The following POC1B variants were observed in gnomAD, a reference collection of about 807,000 sequenced individuals.
POC1B encodes the protein POC1 centriolar protein B, also known as POC1 centriolar protein homolog B.
POC1B carries 44 observed loss-of-function variants against 60.6 expected under a neutral mutation model. The observed-to-expected ratio is 0.73, with a 90% CI of 0.57 to 0.93. POC1B has a LOEUF of 0.93. Ranked by LOEUF, POC1B falls within the 40% of genes least tolerant of loss-of-function variation. The pLI is 0.00. For synonymous variants in POC1B, 180 were observed against 198.9 expected, an observed-to-expected ratio of 0.90 and a Z score of 0.80; for missense variants, 555 against 572.3, an observed-to-expected ratio of 0.97 and a Z score of 0.31.
intron 10 of POC1B, among the ~76,000 whole-genome samples, chr12:89,445,581 C>T (rs946200434): frequency 1.2e-4 from 18 of 152,184 alleles, no homozygotes; most frequent in South Asian, 1.0e-3. Context: ...TGGATCCCTT[C>T]CTTACACCTT....
the POC1B span, among the ~76,000 whole-genome samples, chr12:89,411,896 C>A: frequency 1.3e-5 from 2 of 152,210 alleles, no homozygotes; most frequent in African/African-American, 4.8e-5. Flanking sequence ...AATGATTTAT[C>A]TTCTCACAGA....
the POC1B span, among the ~76,000 whole-genome samples, chr12:89,403,411 A>T: frequency 6.6e-6 from 1 of 152,110 alleles, no homozygotes; most frequent in Non-Finnish European, 1.5e-5. Context: ...ACTCTCTGAA[A>T]TCAACCCTCA....
At chr12:89,497,083 G>A (rs1592627944) in intron 3 of POC1B, 88 bp downstream of exon 3, 1 of 1,343,538 alleles carries the variant, frequency 7.4e-7, no homozygotes, top group East Asian at 2.3e-5. Flanking sequence ...TAACAGTGCA[G>A]GCAGCAGTGC....
rs1871440923 is a variant in POC1B, at chr12:89,525,871, C to T, written c.15+10G>A. The T allele has an allele frequency of 6.9e-7, 1 of 1,443,152 alleles. No individual in the cohort carries two copies. The highest frequency in any genetic ancestry group is 9.2e-7 in the Non-Finnish European group (1 of 1,092,500). 89.4% of individuals were successfully genotyped at this position (1,443,152 alleles called of 1,614,324 possible). A position where few individuals can be genotyped will look rare whatever the true frequency, so the allele number is the denominator to read the frequency against. ...GGGAGGGACCCCCCCCACCTCCAAC[C>T]CGTCCTTACCGTGGCTGAGGCCATC... On this transcript the variant is annotated intron_variant, in intron 1 of 11. Coordinates refer to ENST00000313546, the MANE Select transcript of POC1B (RefSeq NM_172240.3).
At chr12:89,450,242 C>T (rs1216495711) in intron 10 of POC1B, among the ~76,000 whole-genome samples, 2 of 151,404 alleles carry the variant, frequency 1.3e-5, no homozygotes, top group Non-Finnish European at 2.9e-5. Flanking sequence ...GAGTCTTGCA[C>T]TGTCGCCTGG....
At chr12:89,497,122 T>C (rs1164297945) in intron 3 of POC1B, 49 bp downstream of exon 3, 5 of 1,570,358 alleles carry the variant, frequency 3.2e-6, no homozygotes, top group Non-Finnish European at 4.3e-6. Context: ...CAGCTTTCTT[T>C]CACATTTCCA....
chr12:89,443,282 C>T (rs57750939), intron 10 of POC1B, among the ~76,000 whole-genome samples: 2 of 152,208 alleles, frequency 1.3e-5, no homozygotes, highest in East Asian at 3.8e-4. Flanking sequence ...CTCTCCACCC[C>T]AAATCAACAG....
chr12:89,425,389 C>T lies in POC1B; in HGVS notation c.1114-10G>A, dbSNP rs76714924. ...CACTGGTTTCTGTTGTCTTTAATGTCACAGAAAATGTAGGAAGAGTTATAT... is the reference window on the plus strand; with the variant it reads ...CACTGGTTTCTGTTGTCTTTAATGTTACAGAAAATGTAGGAAGAGTTATAT... On this transcript the variant is annotated splice_polypyrimidine_tract_variant and intron_variant, in intron 10 of 11. Coordinates refer to ENST00000313546, the MANE Select transcript of POC1B (RefSeq NM_172240.3). The T allele has an allele frequency of 0.029, 46,516 of 1,598,218 alleles. 817 individuals are homozygous for T. The highest frequency in any genetic ancestry group is 0.036 in the Non-Finnish European group (41,861 of 1,171,460).
At chr12:89,465,153 C>A (rs1882639061) in intron 9 of POC1B, among the ~76,000 whole-genome samples, 1 of 152,100 alleles carries the variant, frequency 6.6e-6, no homozygotes, top group East Asian at 1.9e-4. Context: ...GTCAGCCTGA[C>A]CCAGCAACAC....
At chr12:89,438,274 G>A (rs958341699) in intron 10 of POC1B, among the ~76,000 whole-genome samples, 14 of 152,002 alleles carry the variant, frequency 9.2e-5, no homozygotes, top group South Asian at 4.1e-4. Context: ...TGGCTAACAC[G>A]GTGAAACCCC....
chr12:89,485,473 T>C (rs1388134983), intron 4 of POC1B: 1 of 152,228 alleles, frequency 6.6e-6, no homozygotes, highest in Non-Finnish European at 1.5e-5. Flanking sequence ...AACTTATTCA[T>C]CAAAGAACAT....
chr12:89,480,686 G>GC (rs1238527819), intron 4 of POC1B, among the ~76,000 whole-genome samples: 1 of 136,976 alleles, frequency 7.3e-6, no homozygotes, highest in Non-Finnish European at 1.5e-5. Flanking sequence ...TGCAGGCTCC[G>GC]CCCCCTGGGG....
intron 9 of POC1B, chr12:89,461,004 C>T (rs545948214): frequency 2.0e-5 from 3 of 152,052 alleles, no homozygotes; most frequent in Non-Finnish European, 4.4e-5. Flanking sequence ...ACTAACGAAC[C>T]TTAAAGAAGA....
chr12:89,448,149 T>C (rs1467135255), intron 10 of POC1B, among the ~76,000 whole-genome samples: 1 of 151,974 alleles, frequency 6.6e-6, no homozygotes, highest in African/African-American at 2.4e-5. Context: ...TGTTTAAAAA[T>C]AAAAGTCAGG....
rs138267474 is a variant in POC1B, at chr12:89,520,132, A to G, written c.100+4988T>C. On this transcript the variant is annotated intron_variant, in intron 2 of 11. Transcript: ENST00000313546. ...TTATGTACTCTATTATGAGGAATGAACAGCCTAACTATACTGGATTATTGA... is the reference window on the plus strand; with the variant it reads ...TTATGTACTCTATTATGAGGAATGAGCAGCCTAACTATACTGGATTATTGA... The G allele has an allele frequency of 4.6e-3, 698 of 152,272 alleles. 2 individuals carry two copies. Among genetic ancestry groups the G allele is most frequent in the African/African-American group, 0.016 (658 of 41,572 alleles). 9.4% of individuals were successfully genotyped at this position (152,272 alleles called of 1,614,324 possible).
chr12:89,518,833 C>A (rs546534092), intron 2 of POC1B, among the ~76,000 whole-genome samples: 1 of 152,122 alleles, frequency 6.6e-6, no homozygotes, highest in Non-Finnish European at 1.5e-5. Context: ...TTTACAGGAA[C>A]TTTTAAGTGT....
At chr12:89,472,862 AG>A (rs1262781994) in intron 4 of POC1B, among the ~76,000 whole-genome samples, 1 of 152,230 alleles carries the variant, frequency 6.6e-6, no homozygotes, top group East Asian at 1.9e-4. Context: ...ACAGAACAGA[AG>A]TTCCTTCATG....
downstream of POC1B, among the ~76,000 whole-genome samples, chr12:89,417,554 T>G (rs1880383775): frequency 6.6e-6 from 1 of 152,200 alleles, no homozygotes; most frequent in African/African-American, 2.4e-5. Flanking sequence ...ATCAAGCAAA[T>G]GAGAAGTTAT....
intron 10 of POC1B, among the ~76,000 whole-genome samples, chr12:89,436,496 C>T (rs1881272623): frequency 6.6e-6 from 1 of 151,968 alleles, no homozygotes; most frequent in Non-Finnish European, 1.5e-5. Context: ...GGTGGATGAC[C>T]TCAGGTCAGA....
Sources: gnomAD v4.1 joint callset for allele counts (sites outside exome capture counted in the v4.1 genomes callset) on GRCh38, gnomAD v4.1.1 for gene constraint, MANE v1.5 for transcripts, NCBI Gene and HGNC (gene_info 2026-07-23, HGNC 2026-07-21) for gene names.